RAI14: variants seen among roughly 807,000 people sequenced by gnomAD.
RAI14 encodes ankycorbin.
Under a neutral mutation model 115.4 loss-of-function variants are expected in RAI14, and 45 were observed. That is an observed-to-expected ratio of 0.39 (90% CI 0.31 to 0.50). The LOEUF is 0.50. Among genes scored for constraint, RAI14 ranks in the 20% least tolerant of loss-of-function variants. The pLI, the probability that RAI14 is intolerant of heterozygous loss-of-function variation, is 0.85. For missense variants in RAI14, 939 were observed against 1,131.2 expected, an observed-to-expected ratio of 0.83 and a Z score of 2.44; for synonymous variants, 371 against 415.4, an observed-to-expected ratio of 0.89 and a Z score of 1.30.
intron 1 of RAI14, among the ~76,000 whole-genome samples, chr5:34,659,607 CATTTTT>C (rs1170850582): frequency 2.6e-5 from 4 of 152,142 alleles, no homozygotes; most frequent in Admixed American, 6.5e-5. Context: ...TTTCCATTTT[CATTTTT>C]ATTTTTATTT....
intron 2 of RAI14, among the ~76,000 whole-genome samples, chr5:34,748,231 T>G (rs4544805): frequency 0.16 from 24,467 of 152,204 alleles, 2,235 homozygotes; most frequent in Non-Finnish European, 0.19. Context: ...GCAGGGACAG[T>G]GTAACCTGCA....
chr5:34,692,520 C>T (rs375999708), intron 2 of RAI14, among the ~76,000 whole-genome samples: 2 of 151,964 alleles, frequency 1.3e-5, no homozygotes, highest in East Asian at 1.9e-4. Context: ...GGCGATAGAG[C>T]GAGACTCCAT....
chr5:34,752,701 ATATGTG>A (rs1473916695), intron 2 of RAI14, among the ~76,000 whole-genome samples: 5,253 of 89,734 alleles, frequency 0.059, 519 homozygotes, highest in Admixed American at 0.086. Flanking sequence ...TTTCTTACAT[ATATGTG>A]TGTGTGTGTG....
chr5:34,722,445 G>C (rs2149998935), intron 2 of RAI14, among the ~76,000 whole-genome samples: 1 of 151,968 alleles, frequency 6.6e-6, no homozygotes, highest in East Asian at 1.9e-4. Context: ...CCAGCCTCCA[G>C]TCTGTGGGAT....
intron 2 of RAI14, among the ~76,000 whole-genome samples, chr5:34,747,393 C>A (rs1210109450): frequency 6.6e-6 from 1 of 152,210 alleles, no homozygotes; most frequent in East Asian, 1.9e-4. Context: ...CAGCACTAGT[C>A]TAGCACGGAT....
chr5:34,793,218 C>T (rs1224208748), intron 3 of RAI14, among the ~76,000 whole-genome samples: 2 of 152,152 alleles, frequency 1.3e-5, no homozygotes, highest in Admixed American at 6.5e-5. Context: ...TTGTATTGAT[C>T]GTGGGCCTTC....
At chr5:34,701,617 C>G (rs954637724) in intron 2 of RAI14, among the ~76,000 whole-genome samples, 1 of 152,146 alleles carries the variant, frequency 6.6e-6, no homozygotes. Context: ...GCCCGCCTTA[C>G]AGTTGTCAAA....
chr5:34,797,544 T>C (rs1407412031), intron 4 of RAI14, among the ~76,000 whole-genome samples: 1 of 151,596 alleles, frequency 6.6e-6, no homozygotes, highest in Non-Finnish European at 1.5e-5. Flanking sequence ...AAATAGGGAG[T>C]GATTGAAATA....
chr5:34,739,892 T>C (rs1745292735), intron 2 of RAI14, among the ~76,000 whole-genome samples: 1 of 151,910 alleles, frequency 6.6e-6, no homozygotes, highest in Admixed American at 6.6e-5. Context: ...TGAAAGCCCA[T>C]CTCTACTAAA....
intron 2 of RAI14, 42 bp from the exon 3 acceptor site, chr5:34,757,426 C>T (rs2150091764): frequency 6.2e-7 from 1 of 1,608,302 alleles, no homozygotes. Context: ...GCGGCTGTGG[C>T]CAGTGTTGTT....
At chr5:34,760,135 G>A (rs1261312997) in intron 3 of RAI14, among the ~76,000 whole-genome samples, 1 of 151,176 alleles carries the variant, frequency 6.6e-6, no homozygotes, top group Non-Finnish European at 1.5e-5. Context: ...TGCAACCTCT[G>A]CCTCCTGGGT....
intron 2 of RAI14, among the ~76,000 whole-genome samples, chr5:34,750,649 A>C (rs1179215199): frequency 2.0e-5 from 3 of 152,086 alleles, no homozygotes; most frequent in African/African-American, 7.2e-5. Context: ...AATAAATCAC[A>C]TATGGAGAAA....
chr5:34,776,984 C>T (rs1003280952), intron 3 of RAI14, among the ~76,000 whole-genome samples: 10 of 152,030 alleles, frequency 6.6e-5, no homozygotes, highest in African/African-American at 2.2e-4. Context: ...GCCTGGCCAA[C>T]ATGGTGAAAC....
intron 2 of RAI14, among the ~76,000 whole-genome samples, chr5:34,734,326 T>A (rs114961826): frequency 0.023 from 3,535 of 152,322 alleles, 70 homozygotes; most frequent in Non-Finnish European, 0.032. Flanking sequence ...AGTGTTCTGA[T>A]ATAGTCTAGG....
rs1757179929 is a variant in RAI14, at chr5:34,823,968, T to C, written c.2126T>C (p.Val709Ala). The change falls in exon 15 of 18, where the codon GTG (valine) becomes GCG (alanine). Residue 709 changes from valine to alanine, a missense_variant. Coordinates refer to ENST00000265109, the MANE Select transcript of RAI14 (RefSeq NM_015577.3). The surrounding 1 kb of genome is among the most constrained non-coding windows in gnomAD (Gnocchi z 4.5). ...GAAATGAAGTCTCAGTATTCAAAAG[T>C]GTTGAATGAGTTGACCCAGCTCAAA... ...LSEMKSQYSK[V>A]LNELTQLKQL... 2 of 1,613,976 alleles carry C rather than the reference T, an allele frequency of 1.2e-6. No individual in the cohort carries two copies. Among genetic ancestry groups the C allele is most frequent in the African/African-American group, 1.3e-5 (1 of 74,948 alleles).
chr5:34,810,717 TTTGTG>T (rs1755482008), intron 7 of RAI14, among the ~76,000 whole-genome samples: 3 of 152,138 alleles, frequency 2.0e-5, no homozygotes, highest in Non-Finnish European at 4.4e-5. Flanking sequence ...CTTTACACAC[TTTGTG>T]TTCTGTCCTC....
intron 1 of RAI14, chr5:34,686,552 C>G (rs1292288179): frequency 1.2e-5 from 2 of 162,800 alleles, no homozygotes; most frequent in African/African-American, 4.8e-5. Context: ...TTAATTAGCT[C>G]AATTTAGCCA....
At chr5:34,691,769 G>A (rs1250840248) in intron 2 of RAI14, among the ~76,000 whole-genome samples, 1 of 152,168 alleles carries the variant, frequency 6.6e-6, no homozygotes, top group Non-Finnish European at 1.5e-5. Context: ...TAATAGGGAA[G>A]TAGCGGACAT....
At chr5:34,799,534 ACACAC>A (rs149301789) in intron 4 of RAI14, among the ~76,000 whole-genome samples, 20,425 of 93,456 alleles carry the variant, frequency 0.22, 1,827 homozygotes, top group Admixed American at 0.28. Flanking sequence ...ACACACACAC[ACACAC>A]AAAACCACCT....
Sources: allele counts gnomAD v4.1 joint callset (sites outside exome capture counted in the v4.1 genomes callset), GRCh38; gene constraint gnomAD v4.1.1; non-coding constraint Gnocchi (gnomAD v3.1); transcripts MANE v1.5; gene names NCBI Gene and HGNC (gene_info 2026-07-23, HGNC 2026-07-21).